The following IQCM variants were observed in gnomAD, a reference collection of about 807,000 sequenced individuals.
IQCM encodes IQ domain-containing protein M.
IQCM carries 45 observed loss-of-function variants against 57.6 expected under a neutral mutation model. That is an observed-to-expected ratio of 0.78 (90% confidence interval 0.62 to 1.00). The LOEUF (loss-of-function observed/expected upper bound fraction) is 1.00, where lower values mean the gene tolerates loss of function less well. Among genes scored for constraint, IQCM ranks in the 50% least tolerant of loss-of-function variants. The pLI, the probability that IQCM is intolerant of heterozygous loss-of-function variation, is 0.00. For missense variants in IQCM, 468 were observed against 511.6 expected, an observed-to-expected ratio of 0.91 and a Z score of 0.82; for synonymous variants, 148 against 158.9, an observed-to-expected ratio of 0.93 and a Z score of 0.51.
intron 13 of IQCM, among the ~76,000 whole-genome samples, chr4:149,365,494 T>C (rs1035506373): frequency 6.6e-6 from 1 of 152,162 alleles, no homozygotes; most frequent in African/African-American, 2.4e-5. Context: ...TCCTGTCCCC[T>C]ACCCCCATCC....
intron 7 of IQCM, among the ~76,000 whole-genome samples, chr4:149,651,121 A>T (rs1460449745): frequency 6.6e-6 from 1 of 152,180 alleles, no homozygotes; most frequent in Non-Finnish European, 1.5e-5. Flanking sequence ...TGGAAGTGAA[A>T]GAAGAGGAAG....
chr4:149,438,858 G>T (rs1735631592), intron 12 of IQCM, among the ~76,000 whole-genome samples: 1 of 151,880 alleles, frequency 6.6e-6, no homozygotes, highest in African/African-American at 2.4e-5. Context: ...TAAATAATAT[G>T]ATTTGTAAAA....
At chr4:149,603,012 C>T (rs1351036001) in intron 8 of IQCM, among the ~76,000 whole-genome samples, 1 of 152,056 alleles carries the variant, frequency 6.6e-6, no homozygotes. Flanking sequence ...AATAACTTAA[C>T]TACAAATATA....
intron 5 of IQCM, among the ~76,000 whole-genome samples, chr4:149,692,432 T>G (rs2149797934): frequency 6.6e-6 from 1 of 152,282 alleles, no homozygotes; most frequent in African/African-American, 2.4e-5. Context: ...ATGTATGTAT[T>G]TTTTAAATCT....
At chr4:149,690,566 T>C (rs896210140) in intron 5 of IQCM, among the ~76,000 whole-genome samples, 1 of 151,972 alleles carries the variant, frequency 6.6e-6, no homozygotes, top group African/African-American at 2.4e-5. Context: ...CCCAATAACA[T>C]ATAGAAAAAG....
intron 7 of IQCM, among the ~76,000 whole-genome samples, chr4:149,673,705 A>T (rs1393105758): frequency 1.3e-5 from 2 of 152,170 alleles, no homozygotes; most frequent in Non-Finnish European, 2.9e-5. Flanking sequence ...TCAACATTAG[A>T]CAGATCAATG....
chr4:149,671,370 T>C (rs1761265217), intron 7 of IQCM, among the ~76,000 whole-genome samples: 1 of 152,070 alleles, frequency 6.6e-6, no homozygotes, highest in Admixed American at 6.6e-5. Context: ...GATTCTTTTC[T>C]CTTCTTTATT....
intron 12 of IQCM, among the ~76,000 whole-genome samples, chr4:149,518,372 C>A (rs1745214361): frequency 6.6e-6 from 1 of 152,146 alleles, no homozygotes; most frequent in African/African-American, 2.4e-5. Context: ...ACTCACGAAT[C>A]TACCTAAAAT....
rs370319527 is a variant in IQCM, at chr4:149,562,111, G to A, written c.948+1581C>T. ...GCAAGAGCCAAAACAGGGAGGTCGT[G>A]TGTACTATGTTATAGTTCCTACTAT... On this transcript the variant is annotated intron_variant, in intron 10 of 13. Coordinates refer to ENST00000636793, the MANE Select transcript of IQCM (RefSeq NM_001363507.2). Among the ~76,000 whole-genome samples, 13 of 152,178 alleles carry A rather than the reference G, an allele frequency of 8.5e-5. No individual in the cohort carries two copies. The East Asian group carries it at 1.2e-3, about 14-fold the overall frequency.
In IQCM at chr4:149,531,906, T is replaced by C. The variant is rs181989068; in HGVS notation, c.1228+16549A>G. On this transcript the variant is annotated intron_variant, in intron 12 of 13. Coordinates refer to ENST00000636793, the MANE Select transcript of IQCM (RefSeq NM_001363507.2). Reference sequence around the variant, plus strand: ...CTGGCCTGGTACTGTTTGTTAACTTTCTTATGAACATATTGTTTATAGTAG... The same window carrying C: ...CTGGCCTGGTACTGTTTGTTAACTTCCTTATGAACATATTGTTTATAGTAG... Among the ~76,000 whole-genome samples the C allele has an allele frequency of 6.4e-3, 967 of 152,270 alleles. 5 individuals carry two copies. The highest frequency in any genetic ancestry group is 0.031 in the Middle Eastern group (9 of 294).
At chr4:149,483,358 A>C (rs1227991206) in intron 12 of IQCM, among the ~76,000 whole-genome samples, 2 of 151,612 alleles carry the variant, frequency 1.3e-5, no homozygotes, top group African/African-American at 4.8e-5. Flanking sequence ...AAGGTATATT[A>C]TTGGATATTT....
At chr4:149,634,931 A>G (rs1757598553) in intron 7 of IQCM, among the ~76,000 whole-genome samples, 1 of 152,210 alleles carries the variant, frequency 6.6e-6, no homozygotes, top group Non-Finnish European at 1.5e-5. Context: ...GGATAAAATA[A>G]TACTGGCCAT....
intron 8 of IQCM, among the ~76,000 whole-genome samples, chr4:149,615,830 T>C (rs180776675): frequency 4.1e-4 from 62 of 152,320 alleles, no homozygotes; most frequent in Admixed American, 3.7e-3. Flanking sequence ...TCCACTCCTC[T>C]TTTAACAAGG....
chr4:149,648,672 C>G (rs1353565709), intron 7 of IQCM, among the ~76,000 whole-genome samples: 4 of 152,200 alleles, frequency 2.6e-5, no homozygotes, highest in Non-Finnish European at 2.9e-5. Context: ...ACCGCATGTT[C>G]TCACTCATAG....
At chr4:149,781,678 T>C (rs1483695112) in intron 2 of IQCM, among the ~76,000 whole-genome samples, 1 of 152,206 alleles carries the variant, frequency 6.6e-6, no homozygotes, top group African/African-American at 2.4e-5. Context: ...GATTCAGTAC[T>C]CTCTGCAGTT....
rs1054135036 is a variant in IQCM at position 149,498,762 on chromosome 4, CAGA to C, written c.1228+49690_1228+49692del. Reference sequence around the variant, plus strand: ...TACCATGGTCCACCTTCAAGAGAAGCAGAAGAAGATGGCACAGGTGAGTGAAGG... The same window carrying C: ...TACCATGGTCCACCTTCAAGAGAAGCAGAAGATGGCACAGGTGAGTGAAGG... On this transcript the variant is annotated intron_variant, in intron 12 of 13. Transcript: ENST00000636793. Among the ~76,000 whole-genome samples, 6 of 152,124 alleles carry C rather than the reference CAGA, an allele frequency of 3.9e-5. No individual in the cohort carries two copies. The South Asian group carries it at 6.2e-4, about 16-fold the overall frequency.
chr4:149,444,187 A>G (rs1202933671), intron 12 of IQCM, among the ~76,000 whole-genome samples: 1 of 151,982 alleles, frequency 6.6e-6, no homozygotes, highest in Non-Finnish European at 1.5e-5. Context: ...CAGATGAATT[A>G]AAGACATTTG....
At chr4:149,553,676 T>G (rs1749257759) in intron 10 of IQCM, among the ~76,000 whole-genome samples, 3 of 152,220 alleles carry the variant, frequency 2.0e-5, no homozygotes, top group Admixed American at 1.3e-4. Context: ...TGCTCAAATC[T>G]TTGTCTCTTA....
chr4:149,801,021 A>C (rs891931505), intron 2 of IQCM, among the ~76,000 whole-genome samples: 1 of 151,992 alleles, frequency 6.6e-6, no homozygotes, highest in Admixed American at 6.6e-5. Context: ...CCGAATAGCC[A>C]AAGTTATCCT....
Sources: gnomAD v4.1 joint callset for allele counts (sites outside exome capture counted in the v4.1 genomes callset) on GRCh38, gnomAD v4.1.1 for gene constraint, MANE v1.5 for transcripts, NCBI Gene and HGNC (gene_info 2026-07-23, HGNC 2026-07-21) for gene names.